COA1: variants seen among roughly 807,000 people sequenced by gnomAD.
The protein encoded by COA1 is cytochrome c oxidase assembly factor 1 homolog.
COA1 carries 13 observed loss-of-function variants against 16.0 expected under a neutral mutation model. The observed-to-expected ratio is 0.81, with a 90% confidence interval of 0.53 to 1.29. The LOEUF is 1.29. Ranked by LOEUF, COA1 falls within the 50% of genes most tolerant of loss-of-function variation. COA1 has a pLI of 0.00. For synonymous variants in COA1, 65 were observed against 65.7 expected, an observed-to-expected ratio of 0.99 and a Z score of 0.05; for missense variants, 179 against 177.0, an observed-to-expected ratio of 1.01 and a Z score of -0.06.
At chr7:43,658,394 A>G (rs1028051368) in intron 1 of COA1, among the ~76,000 whole-genome samples, 1 of 152,206 alleles carries the variant, frequency 6.6e-6, no homozygotes, top group Non-Finnish European at 1.5e-5. Context: ...AAATTAGCTC[A>G]AAGATGTGAT....
chr7:43,678,693 T>C (rs958367340), intron 1 of COA1, among the ~76,000 whole-genome samples: 2 of 151,956 alleles, frequency 1.3e-5, no homozygotes, highest in African/African-American at 4.8e-5. Context: ...AAATGGCCAA[T>C]AGGCATATGA....
chr7:43,720,176 G>A (rs981005785), intron 1 of COA1, among the ~76,000 whole-genome samples: 11 of 152,064 alleles, frequency 7.2e-5, no homozygotes, highest in African/African-American at 2.2e-4. Flanking sequence ...CTACTCGGGA[G>A]GCTGAGGCAG....
At chr7:43,617,414 A>G (rs1429822475) in intron 6 of COA1, among the ~76,000 whole-genome samples, 1 of 152,248 alleles carries the variant, frequency 6.6e-6, no homozygotes. Flanking sequence ...GGAGAGAAAT[A>G]GGCAAAGTCT....
downstream of COA1, among the ~76,000 whole-genome samples, chr7:43,638,518 C>CTAT (rs2086286127): frequency 6.6e-6 from 1 of 150,538 alleles, no homozygotes; most frequent in Admixed American, 6.6e-5. Flanking sequence ...GGATAAGAAC[C>CTAT]TATTAGCTTT....
intron 1 of COA1, among the ~76,000 whole-genome samples, chr7:43,685,474 G>T (rs1307472485): frequency 6.6e-6 from 1 of 152,212 alleles, no homozygotes; most frequent in South Asian, 2.1e-4. Context: ...AATTCTAGGA[G>T]CAAGTTTCCA....
intron 1 of COA1, among the ~76,000 whole-genome samples, chr7:43,725,107 G>A (rs528845049): frequency 2.0e-5 from 3 of 152,218 alleles, no homozygotes; most frequent in East Asian, 3.9e-4. Flanking sequence ...GTGTGGTGGC[G>A]CATGCCTGTA....
chr7:43,664,786 T>C (rs1238078709), intron 1 of COA1, among the ~76,000 whole-genome samples: 1 of 152,214 alleles, frequency 6.6e-6, no homozygotes, highest in African/African-American at 2.4e-5. Flanking sequence ...TCAACAAGCC[T>C]GCTCCAGAGC....
chr7:43,634,576 A>G (rs944216203), downstream of COA1, among the ~76,000 whole-genome samples: 1 of 152,180 alleles, frequency 6.6e-6, no homozygotes, highest in Non-Finnish European at 1.5e-5. Context: ...CTGCAGGGAT[A>G]GATGTCCCAA....
At chr7:43,672,162 C>T (rs2093301218) in intron 1 of COA1, among the ~76,000 whole-genome samples, 1 of 152,036 alleles carries the variant, frequency 6.6e-6, no homozygotes, top group Admixed American at 6.6e-5. Context: ...TGGACTCCTC[C>T]CTAACTCATT....
At chr7:43,611,247 T>C (rs537756023) in intron 6 of COA1, among the ~76,000 whole-genome samples, 1 of 152,248 alleles carries the variant, frequency 6.6e-6, no homozygotes, top group African/African-American at 2.4e-5. Flanking sequence ...CAGAAAAATT[T>C]ACTCGTTTCC....
intron 1 of COA1, among the ~76,000 whole-genome samples, chr7:43,675,558 AC>A (rs2093476333): frequency 6.6e-6 from 1 of 152,134 alleles, no homozygotes; most frequent in East Asian, 1.9e-4. Context: ...TATGTAACAA[AC>A]CTGCACATTG....
chr7:43,616,790 G>A (rs1248765278), intron 6 of COA1, among the ~76,000 whole-genome samples: 3 of 152,112 alleles, frequency 2.0e-5, no homozygotes, highest in African/African-American at 7.2e-5. Flanking sequence ...CCAGCTACTC[G>A]GGAGGCTGAG....
chr7:43,609,488 TTG>T (rs1251798749), exon 7 of COA1: 2 of 152,254 alleles, frequency 1.3e-5, no homozygotes, highest in East Asian at 3.8e-4. Flanking sequence ...TCAAAACCAG[TTG>T]TGTTTCTGAA....
At chr7:43,635,077 A>G (rs12702055), downstream of COA1, among the ~76,000 whole-genome samples, 22,360 of 152,172 alleles carry the variant, frequency 0.15, 2,188 homozygotes, top group Non-Finnish European at 0.21. Flanking sequence ...TTGAATAGTG[A>G]ATTTTCTAAC....
At chr7:43,696,422 A>G (rs2094529116) in intron 1 of COA1, among the ~76,000 whole-genome samples, 2 of 152,244 alleles carry the variant, frequency 1.3e-5, no homozygotes, top group African/African-American at 4.8e-5. Context: ...GAACCAAACC[A>G]TATCAGATAT....
At chr7:43,666,825 C>T (rs1006770348) in intron 1 of COA1, among the ~76,000 whole-genome samples, 4 of 152,124 alleles carry the variant, frequency 2.6e-5, no homozygotes, top group African/African-American at 9.7e-5. Flanking sequence ...GCTTACTAAC[C>T]AGATTTTTCA....
At chr7:43,671,874 T>C (rs2093285549) in intron 1 of COA1, among the ~76,000 whole-genome samples, 1 of 152,154 alleles carries the variant, frequency 6.6e-6, no homozygotes, top group African/African-American at 2.4e-5. Flanking sequence ...CCTGCTGCCC[T>C]GTGAAGAAGT....
chr7:43,645,648 C>G (rs1319199965), intron 3 of COA1: 1 of 387,954 alleles, frequency 2.6e-6, no homozygotes, highest in African/African-American at 2.1e-5. Context: ...CAGACCCTTT[C>G]TGCTTCACCT....
chr7:43,623,791 A>G, intron 6 of COA1: 2 of 1,608,404 alleles, frequency 1.2e-6, no homozygotes, highest in East Asian at 4.5e-5. Context: ...ATTCTTAAAC[A>G]TCTCACAGAT....
Sources: gnomAD v4.1 joint callset for allele counts (sites outside exome capture counted in the v4.1 genomes callset) on GRCh38, gnomAD v4.1.1 for gene constraint, MANE v1.5 for transcripts, NCBI Gene and HGNC (gene_info 2026-07-23, HGNC 2026-07-21) for gene names.